Variants in NACAD observed in about 807,000 individuals in gnomAD.
The protein encoded by NACAD is NAC alpha domain containing, also known as NAC-alpha domain-containing protein 1.
NACAD carries 47 observed loss-of-function variants against 98.9 expected under a neutral mutation model. The ratio of observed to expected loss-of-function variants is 0.48; its 90% CI spans 0.38 to 0.61. The LOEUF is 0.61. Ranked by LOEUF, NACAD falls within the 20% of genes least tolerant of loss-of-function variation. The pLI is 0.00. For synonymous variants in NACAD, 696 were observed against 767.2 expected, an observed-to-expected ratio of 0.91 and a Z score of 1.53; for missense variants, 1,412 against 1,748.2, an observed-to-expected ratio of 0.81 and a Z score of 3.43.
chr7:45,085,610 G>A lies in NACAD; in HGVS notation c.570C>T (p.Ala190=), dbSNP rs1784508722. ...CCCTGGCGTCCCCGTGGGGCCCACA[G>A]GCAGGAAGCAGGGCATAGGTGGTCT... ...PTKTTYALLP[A]CGPHGDARDS... Residue 190 remains alanine (A), a synonymous_variant, in exon 2 of 8, where the codon GCC becomes GCT. Coordinates refer to ENST00000490531, the MANE Select transcript of NACAD (RefSeq NM_001146334.2). The surrounding 1 kb of genome is among the most constrained non-coding windows in gnomAD (Gnocchi z 6.1). 2 of 1,549,790 alleles carry A rather than the reference G, an allele frequency of 1.3e-6. No individual in the cohort carries two copies. The highest frequency in any genetic ancestry group is 1.7e-6 in the Non-Finnish European group (2 of 1,146,556).
In NACAD at chr7:45,081,848, G is replaced by C. The variant is rs1784435276; in HGVS notation, c.4092C>G (p.Gly1364=). The C allele has an allele frequency of 6.5e-7, 1 of 1,547,264 alleles. No homozygotes were observed. Among genetic ancestry groups the C allele is most frequent in the East Asian group, 2.4e-5 (1 of 40,908 alleles). Residue 1364 remains glycine (G), a synonymous_variant, in exon 3 of 8, where the codon GGC becomes GGG. Coordinates refer to ENST00000490531, the MANE Select transcript of NACAD (RefSeq NM_001146334.2). ...CGTGGCTATCCGAATGCTGGCCCGA[G>C]CCCAGGGCCCGAGGCGAGTCTGGGG... ...SLEEDSPRAL[G]SGQHSDSHGE... is the part of the protein sequence containing the mutation.
At chr7:45,087,040 T>C (rs1291994756) in intron 1 of NACAD, among the ~76,000 whole-genome samples, 1 of 152,162 alleles carries the variant, frequency 6.6e-6, no homozygotes, top group Non-Finnish European at 1.5e-5. Context: ...ATGAGGAGGC[T>C]CTGGTACTCA....
rs1299060039 is a variant in NACAD at position 45,082,500 on chromosome 7, G to C, written c.3680C>G (p.Pro1227Arg). 6.5e-7 allele frequency: 1 copy of C among 1,549,694 alleles called. No homozygotes were observed. Among genetic ancestry groups the C allele is most frequent in the South Asian group, 1.2e-5 (1 of 84,028 alleles). ...AAGGGTACCAGGAGCAGAAGGGTCA[G>C]GGCCCAGGGGCCTGTCCACGGGCGT... is the stretch of plus-strand genomic sequence containing the variant. ...PSTPVDRPLG[P>R]DPSAPGTLAG... is the part of the protein sequence containing the mutation. The change falls in exon 2 of 8, where the codon CCT (proline) becomes CGT (arginine). Residue 1227 changes from proline (P) to arginine (R), a missense_variant. Coordinates refer to ENST00000490531, the MANE Select transcript of NACAD (RefSeq NM_001146334.2). The surrounding 1 kb of genome is among the most constrained non-coding windows in gnomAD (Gnocchi z 4.5).
chr7:45,080,831 G>A lies in NACAD; in HGVS notation c.4551+45C>T, dbSNP rs185873967. On this transcript the variant is annotated intron_variant, in intron 6 of 7. Coordinates refer to ENST00000490531, the MANE Select transcript of NACAD (RefSeq NM_001146334.2). ...CCCTGGGGCAGAGCCCCCATGTAGC[G>A]CCTCCCACCACCCCCTGCGAGGCCC... The A allele has an allele frequency of 5.0e-5, 77 of 1,549,114 alleles. 2 individuals are homozygous for A. In the East Asian group the frequency reaches 1.1e-3, roughly 23 times the overall value.
In NACAD at chr7:45,085,112, G is replaced by A. The variant is rs1257511803; in HGVS notation, c.1068C>T (p.Ser356=). 6.4e-7 allele frequency: 1 copy of A among 1,551,114 alleles called. No homozygotes were observed. The highest frequency in any genetic ancestry group is 8.7e-7 in the Non-Finnish European group (1 of 1,146,904). The part of the protein sequence containing the change: ...GDLAGEGEED[S]TSASFLQSLS... ...GTGACTGCAGGAAGGAGGCAGACGT[G>A]CTGTCCTCCTCACCCTCCCCAGCCA... Residue 356 remains serine (S), a synonymous_variant, in exon 2 of 8, where the codon AGC becomes AGT. Transcript: ENST00000490531. The surrounding 1 kb of genome is among the most constrained non-coding windows in gnomAD (Gnocchi z 6.1).
In NACAD at chr7:45,080,606, T is replaced by C. The variant is rs1188819860; in HGVS notation, c.4674+34A>G. The C allele has an allele frequency of 1.4e-5, 22 of 1,551,276 alleles. No homozygotes were observed. The East Asian group carries it at 5.1e-4, about 36-fold the overall frequency. On this transcript the variant is annotated intron_variant, in intron 7 of 7. Transcript: ENST00000490531. Reference sequence around the variant, plus strand: ...ACCTCTCGAGGCCCTTGGGGACAGCTCAGGGGTAGGGAAAGGGGCCAGTGC... The same window carrying C: ...ACCTCTCGAGGCCCTTGGGGACAGCCCAGGGGTAGGGAAAGGGGCCAGTGC...
rs990054824 is a variant in NACAD, at chr7:45,088,039, C to A, written c.67+789G>T. On this transcript the variant is annotated intron_variant, in intron 1 of 7. Coordinates refer to ENST00000490531, the MANE Select transcript of NACAD (RefSeq NM_001146334.2). The surrounding 1 kb of genome is among the most constrained non-coding windows in gnomAD (Gnocchi z 5.7). The stretch of plus-strand genomic sequence containing the variant: ...GCAGAGGCAGCAGCCTGTGTCACCC[C>A]AAACCAGGCCCCAGGCCCCAGCAGT... Among the ~76,000 whole-genome samples the A allele has an allele frequency of 6.6e-6, 1 of 152,206 alleles. No homozygotes were observed. The highest frequency in any genetic ancestry group is 1.5e-5 in the Non-Finnish European group (1 of 68,040).
At position 45,088,256 on chromosome 7, in the gene NACAD, G is replaced by A. The variant is rs1287839970; in HGVS notation, c.67+572C>T. On this transcript the variant is annotated intron_variant, in intron 1 of 7. Transcript: ENST00000490531. This position sits in a 1 kb window ranked among gnomAD's most constrained non-coding sequence, Gnocchi z 5.7. ...GCACACCCAGGGCCATTGCTAATCA[G>A]GCCACCTCCCCCAAGGCCTTCCACC... Among the ~76,000 whole-genome samples, 2 of 152,190 alleles carry A rather than the reference G, an allele frequency of 1.3e-5. No individual in the cohort carries two copies. The highest frequency in any genetic ancestry group is 4.8e-5 in the African/African-American group (2 of 41,446).
At chr7:45,081,530 G>A (rs928479944) in intron 4 of NACAD, 71 bp downstream of exon 4, 49 of 1,525,334 alleles carry the variant, frequency 3.2e-5, no homozygotes, top group South Asian at 1.3e-4. Flanking sequence ...TGGAGTGTGA[G>A]GGTCTTGGTA....
At position 45,085,943 on chromosome 7, in the gene NACAD, T is replaced by C. The variant is rs1276075108; in HGVS notation, c.237A>G (p.Ala79=). The C allele has an allele frequency of 4.5e-6, 7 of 1,539,300 alleles. No homozygotes were observed. The highest frequency in any genetic ancestry group is 6.1e-6 in the Non-Finnish European group (7 of 1,142,074). Residue 79 remains alanine, a synonymous_variant, in exon 2 of 8, where the codon GCA becomes GCG. Transcript: ENST00000490531. The surrounding 1 kb of genome is among the most constrained non-coding windows in gnomAD (Gnocchi z 6.1). The part of the protein sequence containing the change: ...GASWDAGPGG[A]PSAWADPGEG... Reference sequence around the variant, plus strand: ...CCCCTGGGTCCGCCCAGGCCGAGGGTGCCCCACCAGGCCCTGCATCCCAGC... The same window carrying C: ...CCCCTGGGTCCGCCCAGGCCGAGGGCGCCCCACCAGGCCCTGCATCCCAGC...
At position 45,083,160 on chromosome 7, in the gene NACAD, G is replaced by C. The variant is rs1313671332; in HGVS notation, c.3020C>G (p.Ala1007Gly). Residue 1007 changes from alanine (A) to glycine (G), a missense_variant, in exon 2 of 8, where the codon GCA becomes GGA. This residue lies in a region of NACAD where 572 missense variants were observed against 639.6 expected (regional missense o/e 0.89). Transcript: ENST00000490531. ...TGCGGCCCAAGGTGTCCCAGCTTCT[G>C]CAGCTGGCTGTGGGTCATCCTGTTG... ...QVQQDDPQPAAEAGTPWAAQE... is the reference protein window; with the variant it reads ...QVQQDDPQPAGEAGTPWAAQE... The C allele has an allele frequency of 6.4e-7, 1 of 1,550,852 alleles. No individual in the cohort carries two copies.
At chr7:45,081,695 C>T (rs1359854741) in intron 3 of NACAD, 23 bp from the exon 4 acceptor site, 2 of 1,551,270 alleles carry the variant, frequency 1.3e-6, no homozygotes, top group Admixed American at 2.0e-5. Flanking sequence ...GAGGGCTGAG[C>T]ATCCATGGGT....
intron 1 of NACAD, among the ~76,000 whole-genome samples, chr7:45,086,640 T>C (rs1330488280): frequency 3.3e-5 from 5 of 152,230 alleles, no homozygotes; most frequent in Admixed American, 3.3e-4. Flanking sequence ...CTGCTGTCCT[T>C]GCTACCTACA....
At chr7:45,087,446 G>T (rs545748365) in intron 1 of NACAD, among the ~76,000 whole-genome samples, 2 of 152,230 alleles carry the variant, frequency 1.3e-5, no homozygotes, top group Non-Finnish European at 1.5e-5. Context: ...TGCCCAAGGT[G>T]GGGGAGCGGC....
chr7:45,082,742 C>T lies in NACAD; in HGVS notation c.3438G>A (p.Glu1146=), dbSNP rs1335917954. The change falls in exon 2 of 8, where the codon GAG becomes GAA. Residue 1146 remains glutamate (E), a synonymous_variant. Coordinates refer to ENST00000490531, the MANE Select transcript of NACAD (RefSeq NM_001146334.2). This position sits in a 1 kb window ranked among gnomAD's most constrained non-coding sequence, Gnocchi z 4.5. ...EPTLPSAVAT[E]ASLDSCPESS... ...ACTCTGGGCAGGAGTCCAGACTGGCCTCTGTGGCCACAGCTGAGGGAAGCG... is the reference window on the plus strand; with the variant it reads ...ACTCTGGGCAGGAGTCCAGACTGGCTTCTGTGGCCACAGCTGAGGGAAGCG... The T allele has an allele frequency of 1.3e-6, 2 of 1,544,548 alleles. No individual in the cohort carries two copies. The highest frequency in any genetic ancestry group is 2.0e-5 in the Admixed American group (1 of 50,412).
intron 2 of NACAD, 109 bp from the exon 3 acceptor site, chr7:45,081,976 G>T: frequency 7.0e-7 from 1 of 1,436,494 alleles, no homozygotes; most frequent in Non-Finnish European, 9.3e-7. Flanking sequence ...AGCAGTGCCA[G>T]CTCTCCATGG....
In NACAD at chr7:45,082,779, G is replaced by A; in HGVS notation, c.3401C>T (p.Thr1134Ile). The A allele has an allele frequency of 6.5e-7, 1 of 1,549,534 alleles. No individual in the cohort carries two copies. The highest frequency in any genetic ancestry group is 1.4e-5 in the African/African-American group (1 of 73,132). Residue 1134 changes from threonine to isoleucine, a missense_variant, in exon 2 of 8, where the codon ACC (threonine) becomes ATC (isoleucine). By Grantham distance (89) the Thr-to-Ile change is moderately conservative. Coordinates refer to ENST00000490531, the MANE Select transcript of NACAD (RefSeq NM_001146334.2). The surrounding 1 kb of genome is among the most constrained non-coding windows in gnomAD (Gnocchi z 4.5). Reference protein sequence around the residue: ...REERGLSGKSTPEPTLPSAVA... With the variant: ...REERGLSGKSIPEPTLPSAVA... Reference sequence around the variant, plus strand: ...AGCTGAGGGAAGCGTGGGCTCCGGGGTGGACTTGCCACTCAGGCCTCTTTC... The same window carrying A: ...AGCTGAGGGAAGCGTGGGCTCCGGGATGGACTTGCCACTCAGGCCTCTTTC...
At position 45,084,939 on chromosome 7, in the gene NACAD, G is replaced by T; in HGVS notation, c.1241C>A (p.Thr414Asn). 6.4e-7 allele frequency: 1 copy of T among 1,551,196 alleles called. No individual in the cohort carries two copies. Among genetic ancestry groups the T allele is most frequent in the Non-Finnish European group, 8.7e-7 (1 of 1,146,994 alleles). The change falls in exon 2 of 8, where the codon ACT (threonine) becomes AAT (asparagine). Residue 414 changes from threonine (T) to asparagine (N), a missense_variant. Around this residue, in one of 5 missense-constraint regions of NACAD, gnomAD observed 638 missense variants for 722.7 expected, o/e 0.88. Transcript: ENST00000490531. ...CTTCTGGACACTGTCCTGGAGCAAA[G>T]TGGCCTGGGCATGGGGCTCCCCGCT... is the stretch of plus-strand genomic sequence containing the variant. ...LYSGEPHAQA[T>N]LLQDSVQKTE...
chr7:45,084,637 C>T lies in NACAD; in HGVS notation c.1543G>A (p.Ala515Thr), dbSNP rs950570302. 1.2e-5 allele frequency: 19 copies of T among 1,551,544 alleles called. No individual in the cohort carries two copies. The Admixed American group carries it at 1.8e-4, about 14-fold the overall frequency. ...GCCATGGCAGCAGATTCTTGTCCAG[C>T]GGTGGAGTCTGTTTCTTCCTCCCCA... ...QAGEEETDST[A>T]GQESAAMAMP... Residue 515 changes from alanine (A) to threonine (T), a missense_variant, in exon 2 of 8, where the codon GCT (alanine) becomes ACT (threonine). Ala to Thr is a moderately conservative substitution (Grantham distance 58, BLOSUM62 0). Transcript: ENST00000490531.
Sources: allele counts gnomAD v4.1 joint callset (sites outside exome capture counted in the v4.1 genomes callset), GRCh38; gene constraint gnomAD v4.1.1; regional missense constraint gnomAD v4.1.1; non-coding constraint Gnocchi (gnomAD v3.1); transcripts MANE v1.5; gene names NCBI Gene and HGNC (gene_info 2026-07-23, HGNC 2026-07-21).